GAN: variants seen among roughly 807,000 people sequenced by gnomAD.
GAN encodes epididymis secretory sperm binding protein.
In GAN, 48 loss-of-function variants were observed where a neutral mutation model predicts 71.3. That is an observed-to-expected ratio of 0.67 (90% CI 0.53 to 0.86). The LOEUF is 0.86. GAN is among the 40% of genes least tolerant of loss of function. GAN has a pLI of 0.00. For missense variants in GAN, 928 were observed against 770.1 expected (o/e 1.21, Z -2.43); for synonymous variants, 386 against 276.8 (o/e 1.39, Z -3.92).
At position 81,377,637 on chromosome 16, in the gene GAN, A is replaced by G. The variant is rs1036265557; in HGVS notation, c.*41A>G. On this transcript the variant is annotated 3_prime_UTR_variant, in exon 11 of 11. Coordinates refer to ENST00000648994, the MANE Select transcript of GAN (RefSeq NM_022041.4). ...GAGTGCGAGATCCTGACCCAAGAGCACCATAACATAGCTCCGAAAGGGAGA... is the reference window on the plus strand; with the variant it reads ...GAGTGCGAGATCCTGACCCAAGAGCGCCATAACATAGCTCCGAAAGGGAGA... 8 of 1,550,946 alleles carry G rather than the reference A, an allele frequency of 5.2e-6. No individual in the cohort carries two copies. The highest frequency in any genetic ancestry group is 1.4e-5 in the African/African-American group (1 of 73,768).
At chr16:81,376,682 A>G (rs1036491985) in intron 9 of GAN, among the ~76,000 whole-genome samples, 4 of 149,520 alleles carry the variant, frequency 2.7e-5, no homozygotes, top group African/African-American at 1.0e-4. Flanking sequence ...ACATATGTGT[A>G]TATGTGTATA....
Position 81,379,268 on chromosome 16 carries a change from G to A in GAN, c.*1672G>A, listed in dbSNP as rs1567502380. 6.6e-6 allele frequency: 1 copy of A among 152,146 alleles called. No individual in the cohort carries two copies. Among genetic ancestry groups the A allele is most frequent in the Non-Finnish European group, 1.5e-5 (1 of 68,022 alleles). 9.4% of individuals were successfully genotyped at this position (152,146 alleles called of 1,614,324 possible). On this transcript the variant is annotated 3_prime_UTR_variant, in exon 11 of 11. Transcript: ENST00000648994. Reference sequence around the variant, plus strand: ...TGTGATTTTTTTTCTTATACCTGCTGGAAGTCAGTACAATGCGTCAAAAGT... The same window carrying A: ...TGTGATTTTTTTTCTTATACCTGCTAGAAGTCAGTACAATGCGTCAAAAGT...
intron 1 of GAN, among the ~76,000 whole-genome samples, chr16:81,339,337 T>A (rs1321479331): frequency 6.6e-6 from 1 of 152,210 alleles, no homozygotes; most frequent in African/African-American, 2.4e-5. Context: ...ACAGATACAG[T>A]TATTAAACGT....
rs980232719 is a variant in GAN, at chr16:81,381,532, G to A, written c.*3936G>A. 3 of 152,236 alleles carry A rather than the reference G, an allele frequency of 2.0e-5. No individual in the cohort carries two copies. Among genetic ancestry groups the A allele is most frequent in the Non-Finnish European group, 4.4e-5 (3 of 68,068 alleles). The allele number at this position is 152,236 out of a possible 1,614,324, so 9.4% of individuals were successfully genotyped here. On this transcript the variant is annotated 3_prime_UTR_variant, in exon 11 of 11. Coordinates refer to ENST00000648994, the MANE Select transcript of GAN (RefSeq NM_022041.4). ...AAGTCAGTGAGAAGAGAGCAGCTGA[G>A]TGTAGCAAAACCCGCCTTGGGTCAG...
chr16:81,373,326 C>G (rs57297035), intron 9 of GAN, among the ~76,000 whole-genome samples: 167 of 152,324 alleles, frequency 1.1e-3, no homozygotes, highest in African/African-American at 4.0e-3. Context: ...CTGAAGTCCA[C>G]TGTGACCTGG....
intron 1 of GAN, among the ~76,000 whole-genome samples, chr16:81,339,608 G>C (rs1327937558): frequency 6.6e-6 from 1 of 152,220 alleles, no homozygotes; most frequent in Non-Finnish European, 1.5e-5. Flanking sequence ...CATAATGTAG[G>C]CCAGAACTTG....
At chr16:81,371,548 G>C (rs567222744) in intron 9 of GAN, among the ~76,000 whole-genome samples, 6 of 152,152 alleles carry the variant, frequency 3.9e-5, no homozygotes, top group African/African-American at 1.4e-4. Context: ...TCCAGTTCTC[G>C]AAGCCTCGGT....
intron 9 of GAN, among the ~76,000 whole-genome samples, chr16:81,375,764 G>A (rs1251355115): frequency 6.6e-6 from 1 of 151,960 alleles, no homozygotes; most frequent in African/African-American, 2.4e-5. Context: ...CCTGGAACCT[G>A]AGATCAGCCT....
chr16:81,350,704 A>G (rs1050045929), intron 1 of GAN, among the ~76,000 whole-genome samples: 2 of 151,874 alleles, frequency 1.3e-5, no homozygotes, highest in African/African-American at 2.4e-5. Flanking sequence ...TTTTTAGTAG[A>G]GATGGGGTTT....
At chr16:81,354,378 T>C in intron 2 of GAN, 27 bp from the exon 3 acceptor site, 1 of 1,429,560 alleles carries the variant, frequency 7.0e-7, no homozygotes, top group Non-Finnish European at 9.9e-7. Context: ...CACATTCAAA[T>C]ATAAGATAAT....
intron 9 of GAN, among the ~76,000 whole-genome samples, chr16:81,375,586 A>G (rs371895472): frequency 6.6e-6 from 1 of 151,966 alleles, no homozygotes; most frequent in Admixed American, 6.6e-5. Flanking sequence ...TCAACCTCCC[A>G]AAGTATTGGG....
intron 1 of GAN, among the ~76,000 whole-genome samples, chr16:81,322,985 G>A (rs1239602884): frequency 6.6e-6 from 1 of 152,172 alleles, no homozygotes; most frequent in Non-Finnish European, 1.5e-5. Flanking sequence ...AAAATCCTTA[G>A]AAAGTTCCCT....
At chr16:81,316,341 A>G (rs1597386164) in intron 1 of GAN, among the ~76,000 whole-genome samples, 1 of 84,048 alleles carries the variant, frequency 1.2e-5, no homozygotes, top group East Asian at 3.5e-4. Flanking sequence ...CAGCAAAACC[A>G]CCACGCACGC....
intron 9 of GAN, 141 bp from the exon 10 acceptor site, chr16:81,377,078 A>C: frequency 1.3e-6 from 1 of 760,104 alleles, no homozygotes; most frequent in Non-Finnish European, 2.4e-6. Context: ...GTCGGTGGTT[A>C]CCTGGCAGTG....
intron 1 of GAN, among the ~76,000 whole-genome samples, chr16:81,337,615 A>T (rs917712661): frequency 6.6e-6 from 1 of 152,222 alleles, no homozygotes; most frequent in Non-Finnish European, 1.5e-5. Flanking sequence ...CCAGTGGATG[A>T]CTTTGGCTCA....
chr16:81,329,690 C>G (rs1909508433), intron 1 of GAN, among the ~76,000 whole-genome samples: 1 of 152,210 alleles, frequency 6.6e-6, no homozygotes, highest in Admixed American at 6.5e-5. Context: ...CTTGGTCTCT[C>G]CAGGCTTCTG....
chr16:81,367,576 C>T (rs1239728725), intron 9 of GAN, among the ~76,000 whole-genome samples: 1 of 152,118 alleles, frequency 6.6e-6, no homozygotes, highest in Non-Finnish European at 1.5e-5. Flanking sequence ...TATTCAGTTC[C>T]TTATTTCTAA....
At chr16:81,363,714 A>G (rs1026891366) in intron 6 of GAN, 80 bp from the exon 7 acceptor site, 16 of 1,428,322 alleles carry the variant, frequency 1.1e-5, no homozygotes, top group Non-Finnish European at 1.6e-5. Flanking sequence ...TGTTTCTCTA[A>G]TTTTTATTAA....
chr16:81,357,984 C>A, intron 5 of GAN, 53 bp downstream of exon 5: 1 of 1,491,148 alleles, frequency 6.7e-7, no homozygotes, highest in East Asian at 2.3e-5. Context: ...AATGTGTAAT[C>A]TCAAGGTTTT....
Sources: gnomAD v4.1 joint callset for allele counts (sites outside exome capture counted in the v4.1 genomes callset) on GRCh38, gnomAD v4.1.1 for gene constraint, MANE v1.5 for transcripts, NCBI Gene and HGNC (gene_info 2026-07-23, HGNC 2026-07-21) for gene names.